The following MLIP variants were observed in gnomAD, a reference collection of about 807,000 sequenced individuals.
MLIP encodes muscular LMNA interacting protein.
Under a neutral mutation model 84.8 loss-of-function variants are expected in MLIP, and 79 were observed. The observed-to-expected ratio is 0.93, with a 90% CI of 0.78 to 1.12. MLIP has a LOEUF of 1.12. MLIP is among the 50% of genes most tolerant of loss of function. The pLI is 0.00. For missense variants in MLIP, 1,257 were observed against 1,160.6 expected, an observed-to-expected ratio of 1.08 and a Z score of -1.21; for synonymous variants, 504 against 463.0, an observed-to-expected ratio of 1.09 and a Z score of -1.14.
chr6:54,259,528 G>T (rs1348295745), intron 13 of MLIP, among the ~76,000 whole-genome samples: 1 of 151,856 alleles, frequency 6.6e-6, no homozygotes. Context: ...TAATGCAAAA[G>T]ACTTTGTGAG....
intron 1 of MLIP, among the ~76,000 whole-genome samples, chr6:54,092,764 G>T (rs1767947172): frequency 6.6e-6 from 1 of 152,144 alleles, no homozygotes; most frequent in African/African-American, 2.4e-5. Flanking sequence ...GCAAGACGAA[G>T]TTTCTGAGAG....
At chr6:54,027,312 T>C (rs895954975) in intron 1 of MLIP, among the ~76,000 whole-genome samples, 55 of 152,024 alleles carry the variant, frequency 3.6e-4, no homozygotes, top group African/African-American at 1.2e-3. Context: ...TAAAGCATTA[T>C]ATTTTCTCAC....
At chr6:54,205,920 C>G (rs554836274) in intron 11 of MLIP, among the ~76,000 whole-genome samples, 1 of 152,194 alleles carries the variant, frequency 6.6e-6, no homozygotes, top group Non-Finnish European at 1.5e-5. Flanking sequence ...TACAAAATGT[C>G]CTCACACTTT....
chr6:54,121,520 A>C lies in MLIP; in HGVS notation c.170A>C (p.His57Pro). Residue 57 changes from histidine (H) to proline (P), a missense_variant, in exon 2 of 14, where the codon CAT becomes CCT. His to Pro is a moderately conservative substitution (Grantham distance 77). Coordinates refer to ENST00000502396, the MANE Select transcript of MLIP (RefSeq NM_001281747.2). ...CCCACTGTCAGAAGACTACCAACCCATACTCAGTTGGCTGACACCTCTAAA... is the reference window on the plus strand; with the variant it reads ...CCCACTGTCAGAAGACTACCAACCCCTACTCAGTTGGCTGACACCTCTAAA... ...FVPTVRRLPT[H>P]TQLADTSKFL... The C allele has an allele frequency of 6.2e-7, 1 of 1,614,132 alleles. No individual in the cohort carries two copies. Among genetic ancestry groups the C allele is most frequent in the Non-Finnish European group, 8.5e-7 (1 of 1,179,996 alleles).
chr6:54,120,632 A>G (rs906758735), intron 1 of MLIP, among the ~76,000 whole-genome samples: 3 of 152,200 alleles, frequency 2.0e-5, no homozygotes, highest in Admixed American at 2.0e-4. Context: ...ACAAAGTCCA[A>G]GCTTGATACA....
chr6:54,083,604 A>G (rs757066020), intron 1 of MLIP: 4 of 1,535,912 alleles, frequency 2.6e-6, no homozygotes, highest in Admixed American at 3.9e-5. Context: ...GGTACCTTGG[A>G]TTTGAATGTT....
At chr6:54,178,415 T>G (rs1776518293) in intron 9 of MLIP, among the ~76,000 whole-genome samples, 1 of 152,134 alleles carries the variant, frequency 6.6e-6, no homozygotes, top group Non-Finnish European at 1.5e-5. Context: ...AATTTATTTA[T>G]TTCTGCTCTG....
intron 12 of MLIP, among the ~76,000 whole-genome samples, chr6:54,250,436 A>G (rs1432937591): frequency 6.6e-6 from 1 of 152,118 alleles, no homozygotes; most frequent in Non-Finnish European, 1.5e-5. Context: ...ACTATTCACA[A>G]TAGCAAAGAC....
chr6:54,019,086 C>T (rs1763356357), exon 1 of MLIP: 2 of 1,611,780 alleles, frequency 1.2e-6, no homozygotes, highest in Non-Finnish European at 1.7e-6. Context: ...AGAGGAGAAA[C>T]TGACGGTAAG....
intron 1 of MLIP, among the ~76,000 whole-genome samples, chr6:54,060,600 T>C (rs1479781169): frequency 6.6e-6 from 1 of 152,226 alleles, no homozygotes; most frequent in Non-Finnish European, 1.5e-5. Context: ...TCAGCTCATA[T>C]ACATATCAGT....
chr6:54,081,447 G>A (rs1391792917), intron 1 of MLIP, among the ~76,000 whole-genome samples: 3 of 151,708 alleles, frequency 2.0e-5, no homozygotes, highest in Non-Finnish European at 2.9e-5. Context: ...CGTTTATGTC[G>A]CCCAGGCTGG....
intron 1 of MLIP, among the ~76,000 whole-genome samples, chr6:54,021,715 C>G (rs1328302910): frequency 1.3e-5 from 2 of 152,166 alleles, no homozygotes; most frequent in Non-Finnish European, 2.9e-5. Flanking sequence ...TTAACCAATT[C>G]AAGGTGACTC....
chr6:54,177,886 C>A (rs1776457923), intron 9 of MLIP, among the ~76,000 whole-genome samples: 1 of 152,138 alleles, frequency 6.6e-6, no homozygotes, highest in Non-Finnish European at 1.5e-5. Flanking sequence ...AAGATCATGT[C>A]TTTTGCGGGA....
chr6:54,165,834 C>T (rs1775120735), intron 8 of MLIP, among the ~76,000 whole-genome samples: 1 of 151,792 alleles, frequency 6.6e-6, no homozygotes, highest in Non-Finnish European at 1.5e-5. Context: ...GGAGGTGGGG[C>T]CATTAGAAAA....
At chr6:54,183,743 G>T (rs369016949) in intron 9 of MLIP, among the ~76,000 whole-genome samples, 11 of 116,728 alleles carry the variant, frequency 9.4e-5, no homozygotes, top group East Asian at 2.8e-4. Context: ...GACAGGGTAA[G>T]TTTTTTTTTT....
At chr6:54,245,221 T>C (rs1031086782) in intron 12 of MLIP, among the ~76,000 whole-genome samples, 2 of 152,108 alleles carry the variant, frequency 1.3e-5, no homozygotes, top group Non-Finnish European at 2.9e-5. Flanking sequence ...GGTTCAGATA[T>C]TGGTGATTTA....
rs41273904 is a variant in MLIP, at chr6:54,189,814, A to G, written c.2545-56A>G. On this transcript the variant is annotated intron_variant, in intron 9 of 13. Transcript: ENST00000502396. ...CAAACTTCAAAATACTTAAACACAT[A>G]CATATTTTAATAAATTATGAGTTTC... The G allele has an allele frequency of 1.3e-3, 1,654 of 1,296,396 alleles. 3 individuals carry two copies. The highest frequency in any genetic ancestry group is 1.7e-3 in the Non-Finnish European group (1,506 of 895,836). The allele number at this position is 1,296,396 out of a possible 1,614,324, so 80.3% of individuals were successfully genotyped here.
chr6:54,189,738 T>C (rs960379393), intron 9 of MLIP, 132 bp from the exon 10 acceptor site: 2 of 642,804 alleles, frequency 3.1e-6, no homozygotes, highest in African/African-American at 1.9e-5. Context: ...AAGGATATTT[T>C]TCCTTTTCTT....
chr6:54,208,692 G>C (rs1448138899), intron 11 of MLIP, among the ~76,000 whole-genome samples: 2 of 152,188 alleles, frequency 1.3e-5, no homozygotes, highest in African/African-American at 2.4e-5. Context: ...GACAAGATTA[G>C]CCTGTGTATA....
Sources: allele counts gnomAD v4.1 joint callset (sites outside exome capture counted in the v4.1 genomes callset), GRCh38; gene constraint gnomAD v4.1.1; transcripts MANE v1.5; gene names NCBI Gene and HGNC (gene_info 2026-07-23, HGNC 2026-07-21).